CELF2: variants seen among roughly 807,000 people sequenced by gnomAD.
CELF2 encodes CUGBP Elav-like family member 2, also known as CUG triplet repeat RNA-binding protein 2.
In CELF2, 8 loss-of-function variants were observed where a neutral mutation model predicts 62.6. That is an observed-to-expected ratio of 0.13 (90% confidence interval 0.07 to 0.23). CELF2 has a LOEUF of 0.23. Among genes scored for constraint, CELF2 ranks in the 10% least tolerant of loss-of-function variants. The pLI is 1.00. For missense variants in CELF2, 333 were observed against 671.0 expected (o/e 0.50, Z 5.56); for synonymous variants, 258 against 250.0 (o/e 1.03, Z -0.30).
At chr10:10,507,693 G>A in the CELF2 span, among the ~76,000 whole-genome samples, 1 of 152,120 alleles carries the variant, frequency 6.6e-6, no homozygotes, top group Non-Finnish European at 1.5e-5. Flanking sequence ...GTGGGAAGAT[G>A]GAGGGTGTGC....
chr10:10,667,786 T>A, the CELF2 span, among the ~76,000 whole-genome samples: 1 of 152,198 alleles, frequency 6.6e-6, no homozygotes, highest in Non-Finnish European at 1.5e-5. Context: ...AACCGAGCCC[T>A]TCCACTCACC....
At chr10:10,537,581 T>G in the CELF2 span, among the ~76,000 whole-genome samples, 16,245 of 152,146 alleles carry the variant, frequency 0.11, 2,251 homozygotes, top group East Asian at 0.64. Flanking sequence ...GGAGGCTTGC[T>G]TCGAATTTGG....
intron 1 of CELF2, among the ~76,000 whole-genome samples, chr10:11,023,279 T>C (rs2058642364): frequency 6.6e-6 from 1 of 152,150 alleles, no homozygotes; most frequent in East Asian, 1.9e-4. Flanking sequence ...AGGTGCCGAG[T>C]AATATAATGA....
intron 1 of CELF2, among the ~76,000 whole-genome samples, chr10:11,096,943 C>T (rs1411880132): frequency 2.0e-5 from 3 of 152,130 alleles, no homozygotes; most frequent in Admixed American, 1.3e-4. Context: ...CTCCTCCTTT[C>T]CTTCCTTCCT....
In CELF2 at chr10:11,117,184, G is replaced by A. The variant is rs964522624; in HGVS notation, c.75-48302G>A. 3.9e-5 allele frequency among the ~76,000 whole-genome samples: 6 copies of A among 152,100 alleles called. No homozygotes were observed. Among genetic ancestry groups the A allele is most frequent in the African/African-American group, 7.2e-5 (3 of 41,402 alleles). On this transcript the variant is annotated intron_variant, in intron 1 of 12. Transcript: ENST00000633077. This position sits in a 1 kb window ranked among gnomAD's most constrained non-coding sequence, Gnocchi z 4.1. ...CTATTTTATTCCTTTATATCATCCC[G>A]CTCTACTCACATCTTTTAGGCTCAT...
At chr10:10,785,854 T>C in the CELF2 span, among the ~76,000 whole-genome samples, 1 of 152,162 alleles carries the variant, frequency 6.6e-6, no homozygotes, top group Non-Finnish European at 1.5e-5. Flanking sequence ...ATTTTACACT[T>C]GAAAATTGCT....
the CELF2 span, among the ~76,000 whole-genome samples, chr10:10,731,210 T>G: frequency 6.6e-6 from 1 of 151,944 alleles, no homozygotes; most frequent in African/African-American, 2.4e-5. Context: ...CCAAATTGGA[T>G]TTATATGTTA....
chr10:10,522,372 G>A, the CELF2 span, among the ~76,000 whole-genome samples: 12 of 152,104 alleles, frequency 7.9e-5, no homozygotes, highest in East Asian at 5.8e-4. Flanking sequence ...TCGGCATGCC[G>A]ATTGGAATTG....
At chr10:10,849,931 A>G (rs1468004671) in intron 1 of CELF2, among the ~76,000 whole-genome samples, 1 of 152,052 alleles carries the variant, frequency 6.6e-6, no homozygotes, top group Non-Finnish European at 1.5e-5. Context: ...TCACAAGGTC[A>G]GGAGTTTGAG....
chr10:10,536,974 T>G, the CELF2 span, among the ~76,000 whole-genome samples: 1 of 152,158 alleles, frequency 6.6e-6, no homozygotes, highest in African/African-American at 2.4e-5. Context: ...TTTTGAAAGT[T>G]TTGGAAAACA....
At chr10:10,944,127 A>T (rs2135526258) in intron 2 of CELF2, 1 of 152,718 alleles carries the variant, frequency 6.5e-6, no homozygotes, top group African/African-American at 2.4e-5. Flanking sequence ...TAGGTAACTG[A>T]TCTGCAGTGT....
rs2053687274 is a variant in CELF2 at position 10,993,956 on chromosome 10, GGA to G, written c.89+73959_89+73960del. ...GCATAGGGAGAAGGCTCCAAGGAGA[GGA>G]GCCTCATGAGAAACCAAACCTGCTG... On this transcript the variant is annotated intron_variant, in intron 2 of 13. Coordinates refer to the CELF2 transcript ENST00000636488. The surrounding 1 kb of genome is among the most constrained non-coding windows in gnomAD (Gnocchi z 5.3). 6.6e-6 allele frequency among the ~76,000 whole-genome samples: 1 copy of G among 152,200 alleles called. No homozygotes were observed. The highest frequency in any genetic ancestry group is 2.1e-4 in the South Asian group (1 of 4,826).
chr10:11,323,879 A>G (rs941178763), intron 11 of CELF2, among the ~76,000 whole-genome samples: 1 of 152,102 alleles, frequency 6.6e-6, no homozygotes, highest in African/African-American at 2.4e-5. Context: ...TCTTCATCTC[A>G]GCCACCTTAG....
At chr10:10,744,905 T>C in the CELF2 span, among the ~76,000 whole-genome samples, 5 of 151,910 alleles carry the variant, frequency 3.3e-5, no homozygotes, top group African/African-American at 1.2e-4. Flanking sequence ...AACTCTCCAT[T>C]TTACCAATCT....
intron 8 of CELF2, among the ~76,000 whole-genome samples, chr10:11,284,475 G>A (rs1374180012): frequency 8.6e-5 from 13 of 151,284 alleles, no homozygotes; most frequent in Admixed American, 2.0e-4. Context: ...GTGTGTGGTG[G>A]GTGGATGAGG....
chr10:10,871,890 A>G (rs2060773224), intron 1 of CELF2, among the ~76,000 whole-genome samples: 1 of 152,184 alleles, frequency 6.6e-6, no homozygotes, highest in Non-Finnish European at 1.5e-5. Context: ...ACGTATTCTC[A>G]GGTCCCTAAG....
the CELF2 span, among the ~76,000 whole-genome samples, chr10:10,606,950 C>T: frequency 1.3e-5 from 2 of 152,096 alleles, no homozygotes; most frequent in Non-Finnish European, 2.9e-5. Context: ...TTACCCTCAC[C>T]TCATTCTGAA....
intron 3 of CELF2, among the ~76,000 whole-genome samples, chr10:11,235,609 A>G (rs2070909928): frequency 6.6e-6 from 1 of 152,204 alleles, no homozygotes; most frequent in Non-Finnish European, 1.5e-5. Flanking sequence ...ACGCTGGAGG[A>G]GAGCTCTTTG....
At chr10:11,197,003 A>AAG (rs35302334) in intron 2 of CELF2, among the ~76,000 whole-genome samples, 2 of 3,926 alleles carry the variant, frequency 5.1e-4, no homozygotes, top group African/African-American at 1.0e-3. Context: ...GGAAGGAAGG[A>AAG]GAAAGAAAGA....
Sources: gnomAD v4.1 joint callset for allele counts (sites outside exome capture counted in the v4.1 genomes callset) on GRCh38, gnomAD v4.1.1 for gene constraint, Gnocchi (gnomAD v3.1) non-coding constraint, MANE v1.5 for transcripts, NCBI Gene and HGNC (gene_info 2026-07-23, HGNC 2026-07-21) for gene names.